The following OTOA variants were observed in gnomAD, a reference collection of about 807,000 sequenced individuals.
OTOA encodes cancer/testis antigen 108.
A neutral mutation model predicts 110.8 loss-of-function variants in OTOA; 70 were observed. The observed-to-expected ratio is 0.63, with a 90% CI of 0.52 to 0.77. The LOEUF is 0.77. Among genes scored for constraint, OTOA ranks in the 30% least tolerant of loss-of-function variants. The pLI is 0.00. For missense variants in OTOA, 917 were observed against 1,075.8 expected, an observed-to-expected ratio of 0.85 and a Z score of 2.06; for synonymous variants, 373 against 431.5, an observed-to-expected ratio of 0.86 and a Z score of 1.68.
intron 6 of OTOA, among the ~76,000 whole-genome samples, chr16:21,684,047 G>A (rs928386156): frequency 1.3e-5 from 2 of 151,922 alleles, no homozygotes; most frequent in African/African-American, 4.8e-5. Flanking sequence ...GATTACAGGT[G>A]TGGGCCACCT....
intron 1 of OTOA, among the ~76,000 whole-genome samples, chr16:21,675,127 CTT>C (rs1429641841): frequency 7.1e-6 from 1 of 139,994 alleles, no homozygotes; most frequent in Non-Finnish European, 1.5e-5. Context: ...TTCTTTCTCT[CTT>C]TCTTTCCTTC....
intron 5 of OTOA, among the ~76,000 whole-genome samples, 200 bp from the exon 6 acceptor site, chr16:21,681,538 G>A (rs1358648936): frequency 3.9e-5 from 6 of 151,968 alleles, no homozygotes; most frequent in Non-Finnish European, 5.9e-5. Flanking sequence ...AGCCGTGATC[G>A]CGCAACAGAG....
intron 1 of OTOA, among the ~76,000 whole-genome samples, chr16:21,678,214 G>T (rs1248578328): frequency 1.3e-5 from 2 of 151,924 alleles, no homozygotes; most frequent in Non-Finnish European, 2.9e-5. Context: ...ATACCTTTTT[G>T]CTGGATTGAG....
chr16:21,681,737 G>A lies in OTOA; in HGVS notation c.180-1G>A, dbSNP rs1966895504. 1 of 1,612,988 alleles carries A rather than the reference G, an allele frequency of 6.2e-7. No homozygotes were observed. The highest frequency in any genetic ancestry group is 1.7e-5 in the Admixed American group (1 of 59,988). On this transcript the variant is annotated splice_acceptor_variant, in intron 5 of 28. Transcript: ENST00000646100. LOFTEE classifies it high-confidence loss of function. ...CTTTTCCTGTCTGTCTTCAACTGAA[G>A]CTCCCACGTGTGGACGGATGACCTG...
intron 17 of OTOA, chr16:21,721,376 C>A (rs768768320): frequency 1.3e-5 from 6 of 454,970 alleles, no homozygotes; most frequent in Non-Finnish European, 2.7e-5. Flanking sequence ...GACTTTTGGC[C>A]ATGTCTGCAA....
At chr16:21,688,293 G>A (rs963126622) in intron 8 of OTOA, among the ~76,000 whole-genome samples, 1 of 152,094 alleles carries the variant, frequency 6.6e-6, no homozygotes, top group South Asian at 2.1e-4. Context: ...GAGGCTTGAG[G>A]CAGGAGAATT....
At chr16:21,707,936 G>A (rs561188719) in intron 12 of OTOA, among the ~76,000 whole-genome samples, 1 of 151,662 alleles carries the variant, frequency 6.6e-6, no homozygotes, top group African/African-American at 2.4e-5. Context: ...TGGGACTACA[G>A]GTGCACGCCA....
chr16:21,707,640 T>TCTTTCTTC (rs1212703182), intron 12 of OTOA, among the ~76,000 whole-genome samples: 1 of 119,474 alleles, frequency 8.4e-6, no homozygotes, highest in Non-Finnish European at 2.0e-5. Flanking sequence ...TTTCTTTCTT[T>TCTTTCTTC]CTTTCTTTCT....
At chr16:21,710,142 A>G (rs745542766) in intron 13 of OTOA, 39 bp downstream of exon 13, 1 of 1,542,604 alleles carries the variant, frequency 6.5e-7, no homozygotes, top group Non-Finnish European at 8.8e-7. Context: ...TTCCCCTAAG[A>G]TGACCTAAGT....
intron 1 of OTOA, among the ~76,000 whole-genome samples, chr16:21,665,525 G>A (rs764217739): frequency 2.6e-5 from 4 of 152,080 alleles, no homozygotes; most frequent in Admixed American, 6.6e-5. Context: ...CTGTGTGATC[G>A]TTCATGTGCA....
intron 28 of OTOA, among the ~76,000 whole-genome samples, chr16:21,758,165 G>T (rs1900054785): frequency 6.6e-6 from 1 of 151,814 alleles, no homozygotes; most frequent in Admixed American, 6.6e-5. Context: ...TCTCCCCCAT[G>T]CCTTTCTTAC....
intron 19 of OTOA, 113 bp from the exon 20 acceptor site, chr16:21,728,128 G>T (rs1898982667): frequency 1.4e-5 from 19 of 1,326,912 alleles, no homozygotes; most frequent in Non-Finnish European, 1.9e-5. Context: ...GCCTCCCAGA[G>T]TGCTGGGATT....
At chr16:21,749,755 A>AT (rs1415366130) in intron 24 of OTOA, among the ~76,000 whole-genome samples, 2 of 125,850 alleles carry the variant, frequency 1.6e-5, no homozygotes, top group Non-Finnish European at 1.6e-5. Flanking sequence ...ACAATCTTGG[A>AT]TCACTGCAAC....
At position 21,722,024 on chromosome 16, in the gene OTOA, A is replaced by C. The variant is rs560958751; in HGVS notation, c.1807-881A>C. ...GGATTACTTGAGGTTAGGAGTTCGAAACCAGCCTGGCCAACCTAAAAAAAT... is the reference window on the plus strand; with the variant it reads ...GGATTACTTGAGGTTAGGAGTTCGACACCAGCCTGGCCAACCTAAAAAAAT... On this transcript the variant is annotated intron_variant, in intron 17 of 28. Transcript: ENST00000646100. 5.3e-5 allele frequency among the ~76,000 whole-genome samples: 8 copies of C among 151,646 alleles called. No homozygotes were observed. In the South Asian group the frequency reaches 1.7e-3, roughly 32 times the overall value.
chr16:21,730,904 G>A lies in OTOA; in HGVS notation c.2275G>A (p.Asp759Asn), dbSNP rs1334549184. Reference sequence around the variant, plus strand: ...ACCCTTTCTAGTACTTTTCTCAGGAGATGAATTAAGCTCTATAGCCACAAA... The same window carrying A: ...ACCCTTTCTAGTACTTTTCTCAGGAAATGAATTAAGCTCTATAGCCACAAA... ...LGPFLVLFSG[D>N]ELSSIATKFP... Residue 759 changes from aspartate (D) to asparagine (N), a missense_variant, in exon 21 of 29, where the codon GAT (aspartate) becomes AAT (asparagine). By Grantham distance (23) the Asp-to-Asn change is conservative. Around this residue, in one of 6 missense-constraint regions of OTOA, gnomAD observed 3 missense variants for 19.3 expected, o/e 0.16. Transcript: ENST00000646100. 4.5e-6 allele frequency: 7 copies of A among 1,567,288 alleles called. 1 individual carries two copies. The highest frequency in any genetic ancestry group is 1.1e-5 in the South Asian group (1 of 87,688).
intron 12 of OTOA, among the ~76,000 whole-genome samples, chr16:21,707,057 G>A (rs748476948): frequency 3.8e-4 from 57 of 151,574 alleles, no homozygotes; most frequent in Non-Finnish European, 7.2e-4. Context: ...TAGAGATGGG[G>A]TTTTACCATG....
In OTOA at chr16:21,684,719, C is replaced by CATT. The variant is rs1567366079; in HGVS notation, c.268-511_268-510insATT. On this transcript the variant is annotated intron_variant, in intron 6 of 28. Transcript: ENST00000646100. ...GAAATCTTGATCTTGTGAGGAATCC[C>CATT]CTTATTATTATTATTATTATTATTA... Among the ~76,000 whole-genome samples, 15 of 130,450 alleles carry CATT rather than the reference C, an allele frequency of 1.1e-4. No individual in the cohort carries two copies. In the East Asian group the frequency reaches 1.5e-3, roughly 13 times the overall value. 85.6% of individuals were successfully genotyped at this position (130,450 alleles called of 152,430 possible).
chr16:21,716,707 T>C (rs982167333), intron 14 of OTOA, among the ~76,000 whole-genome samples, 200 bp from the exon 15 acceptor site: 6 of 152,094 alleles, frequency 3.9e-5, no homozygotes, highest in Admixed American at 3.9e-4. Context: ...TGGGCTTGAA[T>C]GTCACTTACT....
At chr16:21,692,923 G>C (rs1331492387) in intron 9 of OTOA, among the ~76,000 whole-genome samples, 2 of 38,078 alleles carry the variant, frequency 5.3e-5, no homozygotes, top group East Asian at 9.2e-4. Context: ...GTGAGACTCT[G>C]TCTCAAAAAA....
Sources: gnomAD v4.1 joint callset for allele counts (sites outside exome capture counted in the v4.1 genomes callset) on GRCh38, gnomAD v4.1.1 for gene constraint, gnomAD v4.1.1 regional missense constraint, MANE v1.5 for transcripts, NCBI Gene and HGNC (gene_info 2026-07-23, HGNC 2026-07-21) for gene names.